The following DNAH6 variants were observed in gnomAD, a reference collection of about 807,000 sequenced individuals.
DNAH6 encodes the protein dynein axonemal heavy chain 6.
DNAH6 carries 340 observed loss-of-function variants against 491.4 expected under a neutral mutation model. The observed-to-expected ratio is 0.69, with a 90% CI of 0.63 to 0.76. The LOEUF is 0.76. Ranked by LOEUF, DNAH6 falls within the 30% of genes least tolerant of loss-of-function variation. The pLI is 0.00. For missense variants in DNAH6, 4,443 were observed against 4,972.2 expected (o/e 0.89, Z 3.20); for synonymous variants, 1,603 against 1,686.1 (o/e 0.95, Z 1.21).
intron 70 of DNAH6, among the ~76,000 whole-genome samples, chr2:84,798,491 G>C (rs1316835508): frequency 6.6e-6 from 1 of 152,198 alleles, no homozygotes; most frequent in Non-Finnish European, 1.5e-5. Context: ...GTGCTGTGCA[G>C]CTGCAGGATA....
At chr2:84,802,535 A>G (rs1679028307) in intron 70 of DNAH6, among the ~76,000 whole-genome samples, 1 of 152,222 alleles carries the variant, frequency 6.6e-6, no homozygotes, top group African/African-American at 2.4e-5. Flanking sequence ...CCAACATTGG[A>G]GCACTCAGAT....
At chr2:84,664,218 A>G (rs1279096506) in intron 37 of DNAH6, among the ~76,000 whole-genome samples, 2 of 152,208 alleles carry the variant, frequency 1.3e-5, no homozygotes. Context: ...AGCTAACATC[A>G]TAATGACAGG....
intron 18 of DNAH6, among the ~76,000 whole-genome samples, chr2:84,599,707 T>C (rs1351979352): frequency 6.6e-6 from 1 of 152,210 alleles, no homozygotes; most frequent in Non-Finnish European, 1.5e-5. Context: ...GACTCTGTTC[T>C]GTTTCATTGT....
At chr2:84,626,637 T>C (rs1398634627) in intron 29 of DNAH6, among the ~76,000 whole-genome samples, 1 of 152,228 alleles carries the variant, frequency 6.6e-6, no homozygotes, top group Admixed American at 6.5e-5. Context: ...AGACGGAGTC[T>C]CGCTCTATTG....
In DNAH6 at chr2:84,707,510, A is replaced by C. The variant is rs889568670; in HGVS notation, c.8852-10A>C. On this transcript the variant is annotated splice_polypyrimidine_tract_variant and intron_variant, in intron 53 of 76. Transcript: ENST00000389394. The stretch of plus-strand genomic sequence containing the variant: ...AATAGTATAATCTGATTTTCTTAAA[A>C]TTTTTCTAGCAAAGACCATGGCCCT... 4.6e-6 allele frequency: 7 copies of C among 1,530,822 alleles called. No individual in the cohort carries two copies. The highest frequency in any genetic ancestry group is 2.2e-5 in the Admixed American group (1 of 45,334). 94.8% of individuals were successfully genotyped at this position (1,530,822 alleles called of 1,614,324 possible).
Position 84,631,535 on chromosome 2 carries a change from G to A in DNAH6, c.4516-2969G>A, listed in dbSNP as rs180828404. On this transcript the variant is annotated intron_variant, in intron 29 of 76. Coordinates refer to ENST00000389394, the MANE Select transcript of DNAH6 (RefSeq NM_001370.2). The stretch of plus-strand genomic sequence containing the variant: ...ATGAGGCCATACTGGAATTCTACAG[G>A]CCCTAATCCAATAACTAACTAGTGC... 7.2e-5 allele frequency among the ~76,000 whole-genome samples: 11 copies of A among 152,172 alleles called. No individual in the cohort carries two copies. The East Asian group carries it at 1.4e-3, about 19-fold the overall frequency.
intron 29 of DNAH6, among the ~76,000 whole-genome samples, chr2:84,627,253 G>C (rs988246675): frequency 1.3e-5 from 2 of 152,188 alleles, no homozygotes. Context: ...CAGGACCACT[G>C]TTCTAGAGTA....
the DNAH6 span, among the ~76,000 whole-genome samples, chr2:84,496,381 C>A: frequency 2.6e-5 from 4 of 152,132 alleles, no homozygotes; most frequent in Admixed American, 2.6e-4. Flanking sequence ...TTATGTTTTT[C>A]TTCTATGTAG....
At chr2:84,524,351 G>A (rs1254694526) in intron 2 of DNAH6, among the ~76,000 whole-genome samples, 2 of 151,824 alleles carry the variant, frequency 1.3e-5, no homozygotes, top group African/African-American at 4.8e-5. Context: ...TACTGCATGT[G>A]AGATGGGTCT....
At chr2:84,630,716 A>G (rs971568469) in intron 29 of DNAH6, among the ~76,000 whole-genome samples, 4 of 152,220 alleles carry the variant, frequency 2.6e-5, no homozygotes, top group African/African-American at 9.6e-5. Flanking sequence ...ATTGAGGACA[A>G]TTGAACAAGA....
In DNAH6 at chr2:84,819,394, C is replaced by T. The variant is rs762387334; in HGVS notation, c.12463C>T (p.Gln4155Ter). The T allele has an allele frequency of 8.0e-5, 124 of 1,550,024 alleles. 1 individual carries two copies. Among genetic ancestry groups the T allele is most frequent in the Non-Finnish European group, 9.9e-5 (114 of 1,145,916 alleles). ...WIAKGSALLC[Q>*]LSE ...TGCCAAGGGATCAGCTTTGCTCTGCCAGCTGAGCGAATGAAAAGGTGCCAC... is the reference window on the plus strand; with the variant it reads ...TGCCAAGGGATCAGCTTTGCTCTGCTAGCTGAGCGAATGAAAAGGTGCCAC... Residue 4155 changes from glutamine (Q) to a stop codon, truncating the protein, a stop_gained, in exon 77 of 77, where the codon CAG becomes TAG. Coordinates refer to ENST00000389394, the MANE Select transcript of DNAH6 (RefSeq NM_001370.2). LOFTEE classifies it high-confidence loss of function.
chr2:84,545,709 G>A (rs747919064), intron 5 of DNAH6, among the ~76,000 whole-genome samples: 33 of 151,998 alleles, frequency 2.2e-4, no homozygotes, highest in Non-Finnish European at 3.5e-4. Flanking sequence ...CATTGCAGTC[G>A]TTTAAATATG....
chr2:84,662,515 A>G (rs1346460003), intron 37 of DNAH6, among the ~76,000 whole-genome samples: 1 of 152,224 alleles, frequency 6.6e-6, no homozygotes, highest in East Asian at 1.9e-4. Flanking sequence ...CTAGCACAGC[A>G]GTCTGAGATC....
chr2:84,814,351 T>C (rs1680288667), intron 75 of DNAH6, among the ~76,000 whole-genome samples: 1 of 152,116 alleles, frequency 6.6e-6, no homozygotes, highest in Non-Finnish European at 1.5e-5. Flanking sequence ...ATTTTTTTTA[T>C]TTTTTAGCTA....
chr2:84,607,064 A>G lies in DNAH6; in HGVS notation c.3263A>G (p.Gln1088Arg). Residue 1088 changes from glutamine to arginine, a missense_variant, in exon 21 of 77, where the codon CAA becomes CGA. By Grantham distance (43) the Gln-to-Arg change is conservative. Around this residue, in one of 3 missense-constraint regions of DNAH6, gnomAD observed 2,977 missense variants for 3,296.6 expected, o/e 0.90. Transcript: ENST00000389394. ...CTGAAAACTCGAGTGGATGAATGGC[A>G]AAAACAACTTGCTTTATTTAATCAA... ...GPLKTRVDEW[Q>R]KQLALFNQTL... is the part of the protein sequence containing the mutation. 2 of 1,551,404 alleles carry G rather than the reference A, an allele frequency of 1.3e-6. No individual in the cohort carries two copies. The highest frequency in any genetic ancestry group is 1.7e-6 in the Non-Finnish European group (2 of 1,146,710).
At chr2:84,794,074 G>A (rs567036351) in intron 68 of DNAH6, among the ~76,000 whole-genome samples, 2,031 of 152,104 alleles carry the variant, frequency 0.013, 26 homozygotes, top group Non-Finnish European at 0.02. Context: ...CAAGCAATGG[G>A]GAAAGGATTC....
intron 63 of DNAH6, among the ~76,000 whole-genome samples, chr2:84,747,665 ACTCTGTGTGGGGG>A (rs1486056601): frequency 1.3e-5 from 2 of 151,686 alleles, no homozygotes; most frequent in Admixed American, 1.3e-4. Context: ...CCTGGTGGGG[ACTCTGTGTGGGGG>A]CTCTAACCCC....
intron 60 of DNAH6, among the ~76,000 whole-genome samples, chr2:84,723,938 A>G (rs1451562325): frequency 2.0e-5 from 3 of 152,220 alleles, no homozygotes; most frequent in African/African-American, 7.2e-5. Context: ...GAGAGTTTGC[A>G]TTACTCACTA....
intron 33 of DNAH6, among the ~76,000 whole-genome samples, chr2:84,652,009 A>T (rs1263047659): frequency 6.6e-6 from 1 of 151,928 alleles, no homozygotes; most frequent in Non-Finnish European, 1.5e-5. Flanking sequence ...TTTGAGACAT[A>T]ATAAACCTAT....
Sources: allele counts gnomAD v4.1 joint callset (sites outside exome capture counted in the v4.1 genomes callset), GRCh38; gene constraint gnomAD v4.1.1; regional missense constraint gnomAD v4.1.1; transcripts MANE v1.5; gene names NCBI Gene and HGNC (gene_info 2026-07-23, HGNC 2026-07-21).